CDK14: variants seen among roughly 807,000 people sequenced by gnomAD.
CDK14 encodes the protein cyclin-dependent kinase 14.
Under a neutral mutation model 60.7 loss-of-function variants are expected in CDK14, and 34 were observed. That is an observed-to-expected ratio of 0.56 (90% CI 0.43 to 0.75). The LOEUF (loss-of-function observed/expected upper bound fraction) is 0.75, where lower values mean the gene tolerates loss of function less well. Among genes scored for constraint, CDK14 ranks in the 30% least tolerant of loss-of-function variants. CDK14 has a pLI of 0.00. For missense variants in CDK14, 482 were observed against 564.1 expected (o/e 0.85, Z 1.47); for synonymous variants, 197 against 203.7 (o/e 0.97, Z 0.28).
chr7:91,015,151 C>A (rs181186890), intron 10 of CDK14, among the ~76,000 whole-genome samples: 115 of 152,168 alleles, frequency 7.6e-4, no homozygotes, highest in African/African-American at 2.7e-3. Context: ...ATACTTTAAT[C>A]TCTTCTTATC....
chr7:90,956,406 A>G (rs1459421173), intron 9 of CDK14, among the ~76,000 whole-genome samples: 1 of 152,218 alleles, frequency 6.6e-6, no homozygotes, highest in Non-Finnish European at 1.5e-5. Flanking sequence ...TTTAATTCAT[A>G]ATTAGCATTA....
At chr7:90,776,569 G>A (rs1396653675) in intron 4 of CDK14, among the ~76,000 whole-genome samples, 2 of 152,176 alleles carry the variant, frequency 1.3e-5, no homozygotes, top group Admixed American at 1.3e-4. Context: ...GGGTCATGGG[G>A]ATAGAAAGGT....
intron 5 of CDK14, among the ~76,000 whole-genome samples, chr7:90,828,789 C>T (rs951100144): frequency 1.3e-5 from 2 of 152,146 alleles, no homozygotes; most frequent in African/African-American, 4.8e-5. Context: ...TCTCTGTTGA[C>T]ACGTTATATA....
intron 3 of CDK14, among the ~76,000 whole-genome samples, chr7:90,737,573 G>A (rs538169916): frequency 1.1e-4 from 17 of 152,198 alleles, no homozygotes; most frequent in Non-Finnish European, 2.4e-4. Context: ...TGTGGTGTTT[G>A]GATCCATACC....
intron 2 of CDK14, among the ~76,000 whole-genome samples, chr7:90,720,239 A>C (rs2116684132): frequency 6.6e-6 from 1 of 152,336 alleles, no homozygotes; most frequent in African/African-American, 2.4e-5. Context: ...TGAATTCTTA[A>C]TAAAGGATTG....
chr7:90,827,264 C>T (rs1789758153), intron 5 of CDK14, among the ~76,000 whole-genome samples: 1 of 152,114 alleles, frequency 6.6e-6, no homozygotes, highest in African/African-American at 2.4e-5. Flanking sequence ...TCCTGTATAT[C>T]TTTTTGTGAA....
chr7:90,976,890 A>C (rs563196109), intron 9 of CDK14, among the ~76,000 whole-genome samples: 19 of 152,126 alleles, frequency 1.2e-4, no homozygotes, highest in African/African-American at 4.6e-4. Flanking sequence ...GGTTGGGGAG[A>C]TGGATTTGAG....
At chr7:90,951,626 C>CA (rs35859984) in intron 8 of CDK14, among the ~76,000 whole-genome samples, 9 of 151,352 alleles carry the variant, frequency 5.9e-5, no homozygotes, top group Admixed American at 1.3e-4. Context: ...TTACCACCTA[C>CA]AAAAAAAAGG....
intron 5 of CDK14, among the ~76,000 whole-genome samples, chr7:90,860,269 CAG>C (rs982525451): frequency 4.0e-5 from 6 of 151,710 alleles, no homozygotes; most frequent in Admixed American, 1.3e-4. Context: ...TATTCTTACA[CAG>C]AGTTAGAAAG....
intron 5 of CDK14, among the ~76,000 whole-genome samples, chr7:90,801,350 T>C (rs188272342): frequency 5.3e-4 from 81 of 152,384 alleles, no homozygotes; most frequent in African/African-American, 1.8e-3. Context: ...TCTCTCCATA[T>C]AGGCTCTTTT....
chr7:91,008,142 A>AAC (rs1554403026), intron 10 of CDK14, among the ~76,000 whole-genome samples: 6 of 141,318 alleles, frequency 4.2e-5, no homozygotes, highest in African/African-American at 1.3e-4. Context: ...AAAAAAAAAA[A>AAC]AAACAAACAA....
chr7:90,938,156 C>CTGTATTTTCTTT lies in CDK14; in HGVS notation c.827-17539_827-17528dup, dbSNP rs1313335863. Among the ~76,000 whole-genome samples the CTGTATTTTCTTT allele has an allele frequency of 2.0e-5, 3 of 152,226 alleles. No individual in the cohort carries two copies. The East Asian group carries it at 5.8e-4, about 29-fold the overall frequency. On this transcript the variant is annotated intron_variant, in intron 8 of 14. Transcript: ENST00000380050. ...TTACAAATTGTTGACTTCTGTCACC[C>CTGTATTTTCTTT]TGTATTTTCTTTTCATGTAATATTG...
chr7:91,065,719 T>G (rs540190487), intron 11 of CDK14, among the ~76,000 whole-genome samples: 2 of 152,234 alleles, frequency 1.3e-5, no homozygotes, highest in Non-Finnish European at 2.9e-5. Flanking sequence ...TTGGTTCGCA[T>G]GATTTGTTGG....
At chr7:90,766,918 G>A (rs375476157) in intron 4 of CDK14, among the ~76,000 whole-genome samples, 1 of 152,042 alleles carries the variant, frequency 6.6e-6, no homozygotes, top group Non-Finnish European at 1.5e-5. Context: ...ACAGCTGCAC[G>A]GCCAGCTCTC....
In CDK14 at chr7:90,976,909, C is replaced by T. The variant is rs1042118077; in HGVS notation, c.948-7239C>T. On this transcript the variant is annotated intron_variant, in intron 9 of 14. Transcript: ENST00000380050. ...GGGGAGATGGATTTGAGACTTATCTCCCATCTGTACAGAAGCTTTTAGTGT... is the reference window on the plus strand; with the variant it reads ...GGGGAGATGGATTTGAGACTTATCTTCCATCTGTACAGAAGCTTTTAGTGT... Among the ~76,000 whole-genome samples the T allele has an allele frequency of 8.5e-5, 13 of 152,092 alleles. No homozygotes were observed. In the East Asian group the frequency reaches 2.3e-3, roughly 27 times the overall value.
intron 4 of CDK14, among the ~76,000 whole-genome samples, chr7:90,748,795 C>T (rs1803695645): frequency 6.6e-6 from 1 of 152,128 alleles, no homozygotes; most frequent in Non-Finnish European, 1.5e-5. Flanking sequence ...TCCTGTATTG[C>T]CCAGGCTGGT....
intron 2 of CDK14, among the ~76,000 whole-genome samples, chr7:90,719,888 A>G (rs1369163786): frequency 1.3e-5 from 2 of 152,130 alleles, no homozygotes; most frequent in Non-Finnish European, 2.9e-5. Flanking sequence ...TTGATATTAG[A>G]ATTTCTGTCT....
intron 8 of CDK14, among the ~76,000 whole-genome samples, chr7:90,944,978 A>G (rs1012960028): frequency 1.3e-5 from 2 of 152,188 alleles, no homozygotes; most frequent in African/African-American, 4.8e-5. Context: ...TCATCTGCTG[A>G]ATAAGTATTA....
intron 10 of CDK14, among the ~76,000 whole-genome samples, chr7:90,988,149 C>T (rs1795425197): frequency 6.6e-6 from 1 of 151,842 alleles, no homozygotes; most frequent in African/African-American, 2.4e-5. Flanking sequence ...TTCTTTTTTC[C>T]CTATTCTCTT....
Sources: allele counts gnomAD v4.1 joint callset (sites outside exome capture counted in the v4.1 genomes callset), GRCh38; gene constraint gnomAD v4.1.1; transcripts MANE v1.5; gene names NCBI Gene and HGNC (gene_info 2026-07-23, HGNC 2026-07-21).